Variants in MTREX observed in about 807,000 individuals in gnomAD.
MTREX encodes the protein exosome RNA helicase MTR4.
MTREX carries 76 observed loss-of-function variants against 135.4 expected under a neutral mutation model. That is an observed-to-expected ratio of 0.56 (90% confidence interval 0.47 to 0.68). The LOEUF is 0.68. Among genes scored for constraint, MTREX ranks in the 30% least tolerant of loss-of-function variants. The pLI, the probability that MTREX is intolerant of heterozygous loss-of-function variation, is 0.00. For synonymous variants in MTREX, 404 were observed against 401.6 expected, an observed-to-expected ratio of 1.01 and a Z score of -0.07; for missense variants, 920 against 1,262.1, an observed-to-expected ratio of 0.73 and a Z score of 4.11.
intron 13 of MTREX, 41 bp downstream of exon 13, chr5:55,351,070 T>C (rs1334617174): frequency 5.9e-6 from 9 of 1,533,400 alleles, no homozygotes; most frequent in Non-Finnish European, 7.8e-6. Context: ...CATATCATGT[T>C]GTATGAAGAG....
At chr5:55,310,342 G>A (rs546129640) in intron 1 of MTREX, among the ~76,000 whole-genome samples, 1 of 152,294 alleles carries the variant, frequency 6.6e-6, no homozygotes, top group South Asian at 2.1e-4. Flanking sequence ...CGGGCGTGGT[G>A]GCTCACGCCT....
At chr5:55,353,934 C>A (rs1419858611) in intron 14 of MTREX, among the ~76,000 whole-genome samples, 3 of 152,162 alleles carry the variant, frequency 2.0e-5, no homozygotes, top group African/African-American at 7.2e-5. Context: ...GCTGTACTTG[C>A]ATCTATTTTG....
At chr5:55,360,370 C>T (rs1466167213) in intron 15 of MTREX, among the ~76,000 whole-genome samples, 2 of 148,936 alleles carry the variant, frequency 1.3e-5, no homozygotes, top group African/African-American at 4.9e-5. Context: ...GGATTGTTTC[C>T]ATGTTTTGGC....
At position 55,393,381 on chromosome 5, in the gene MTREX, A is replaced by C. The variant is rs1177246326; in HGVS notation, c.2182-4035A>C. 2.0e-5 allele frequency among the ~76,000 whole-genome samples: 3 copies of C among 152,220 alleles called. No individual in the cohort carries two copies. In the East Asian group the frequency reaches 5.8e-4, roughly 29 times the overall value. ...GACACAAATCCAGTTTTTTAATTGC[A>C]AATTAATCAATAGCACATTGGTTAA... is the stretch of plus-strand genomic sequence containing the variant. On this transcript the variant is annotated intron_variant, in intron 19 of 26. Transcript: ENST00000230640.
intron 20 of MTREX, among the ~76,000 whole-genome samples, chr5:55,399,050 C>T (rs1431877398): frequency 1.3e-5 from 2 of 152,136 alleles, no homozygotes; most frequent in Non-Finnish European, 2.9e-5. Flanking sequence ...TTAGTGTTTT[C>T]TCTGTTCTGG....
At chr5:55,420,212 GC>G (rs1160557108) in intron 25 of MTREX, among the ~76,000 whole-genome samples, 3 of 152,184 alleles carry the variant, frequency 2.0e-5, no homozygotes, top group Admixed American at 6.5e-5. Context: ...CTGAGGCCAG[GC>G]TGGATAGGAG....
Position 55,400,472 on chromosome 5 carries a change from T to C in MTREX, c.2481+51T>C, listed in dbSNP as rs765400443. ...GTAGAATTCTATATGTTTCACTGAA[T>C]AAATATGTGTTTGTCATTTTCTTAT... On this transcript the variant is annotated intron_variant, in intron 21 of 26. Coordinates refer to ENST00000230640, the MANE Select transcript of MTREX (RefSeq NM_015360.5). 42 of 1,220,972 alleles carry C rather than the reference T, an allele frequency of 3.4e-5. 1 individual carries two copies. In the South Asian group the frequency reaches 5.7e-4, roughly 17 times the overall value. 75.6% of individuals were successfully genotyped at this position (1,220,972 alleles called of 1,614,324 possible). A position where few individuals can be genotyped will look rare whatever the true frequency, so the allele number is the denominator to read the frequency against.
At chr5:55,368,954 A>G (rs1010362000) in intron 16 of MTREX, among the ~76,000 whole-genome samples, 1 of 152,168 alleles carries the variant, frequency 6.6e-6, no homozygotes, top group Non-Finnish European at 1.5e-5. Flanking sequence ...ATCATATTAC[A>G]TTTTATTAAT....
At chr5:55,366,973 T>C (rs1750113992) in intron 16 of MTREX, 98 bp downstream of exon 16, 1 of 986,510 alleles carries the variant, frequency 1.0e-6, no homozygotes, top group Non-Finnish European at 1.5e-6. Flanking sequence ...TTTTGTAAGG[T>C]AAATTTTGGT....
intron 3 of MTREX, among the ~76,000 whole-genome samples, chr5:55,326,308 G>C (rs951310657): frequency 3.3e-5 from 5 of 152,192 alleles, no homozygotes; most frequent in African/African-American, 9.7e-5. Flanking sequence ...GCTGAGGCAG[G>C]GGAATTGCTT....
chr5:55,387,423 G>A (rs775659734), intron 18 of MTREX, among the ~76,000 whole-genome samples: 1 of 151,832 alleles, frequency 6.6e-6, no homozygotes, highest in African/African-American at 2.4e-5. Flanking sequence ...TTAAAAATGC[G>A]GCATTCTGTA....
At chr5:55,423,893 T>G (rs1264962534) in intron 26 of MTREX, 3 of 152,236 alleles carry the variant, frequency 2.0e-5, no homozygotes, top group African/African-American at 7.2e-5. Context: ...AAAAACTGGC[T>G]GATATTTCCA....
intron 1 of MTREX, among the ~76,000 whole-genome samples, chr5:55,319,261 T>C (rs1561184777): frequency 2.0e-5 from 3 of 152,334 alleles, no homozygotes; most frequent in Middle Eastern, 6.8e-3. Flanking sequence ...ATCAGACTTA[T>C]CCAGATTTTG....
chr5:55,358,910 A>G (rs1321864057), intron 15 of MTREX, among the ~76,000 whole-genome samples: 2 of 152,176 alleles, frequency 1.3e-5, no homozygotes, highest in Non-Finnish European at 2.9e-5. Context: ...AACTCATGTA[A>G]TGGATAGGGT....
At position 55,307,997 on chromosome 5, in the gene MTREX, T is replaced by G; in HGVS notation, c.-17T>G. The stretch of plus-strand genomic sequence containing the variant: ...CATCGTGGGTAGGAGGGAGATTTGC[T>G]CTCACTGCTCCCAAAAATGGCGGAC... On this transcript the variant is annotated 5_prime_UTR_variant, in exon 1 of 27. Transcript: ENST00000230640. 6.2e-7 allele frequency: 1 copy of G among 1,614,038 alleles called. No homozygotes were observed. The highest frequency in any genetic ancestry group is 8.5e-7 in the Non-Finnish European group (1 of 1,180,002).
chr5:55,374,995 C>T (rs1358802140), intron 16 of MTREX, among the ~76,000 whole-genome samples: 4 of 152,086 alleles, frequency 2.6e-5, no homozygotes, highest in African/African-American at 9.7e-5. Flanking sequence ...CGTGATGCCC[C>T]ACAAGCCACA....
chr5:55,370,819 C>T (rs1192858625), intron 16 of MTREX, among the ~76,000 whole-genome samples: 2 of 152,138 alleles, frequency 1.3e-5, no homozygotes, highest in Admixed American at 1.3e-4. Context: ...GCAGATACTA[C>T]TAGAGCCTTT....
intron 1 of MTREX, among the ~76,000 whole-genome samples, chr5:55,320,102 T>C (rs184636475): frequency 2.6e-5 from 4 of 152,232 alleles, no homozygotes; most frequent in African/African-American, 7.2e-5. Flanking sequence ...TTTCGCAAAA[T>C]TGGGAGTGAC....
At chr5:55,400,167 C>A in intron 20 of MTREX, 66 bp from the exon 21 acceptor site, 2 of 1,208,284 alleles carry the variant, frequency 1.7e-6, no homozygotes, top group Non-Finnish European at 1.1e-6. Flanking sequence ...AAGGGAAACA[C>A]TGATTTGGTT....
Sources: allele counts gnomAD v4.1 joint callset (sites outside exome capture counted in the v4.1 genomes callset), GRCh38; gene constraint gnomAD v4.1.1; transcripts MANE v1.5; gene names NCBI Gene and HGNC (gene_info 2026-07-23, HGNC 2026-07-21).